Variants in EXT2 observed in about 807,000 individuals in gnomAD.
EXT2 encodes exostosin glycosyltransferase 2, also known as exostosin-2.
In EXT2, 53 loss-of-function variants were observed where a neutral mutation model predicts 81.6. The ratio of observed to expected loss-of-function variants is 0.65; its 90% confidence interval spans 0.52 to 0.82. The LOEUF (loss-of-function observed/expected upper bound fraction) is 0.82, where lower values mean the gene tolerates loss of function less well. Ranked by LOEUF, EXT2 falls within the 40% of genes least tolerant of loss-of-function variation. The pLI is 0.00. For synonymous variants in EXT2, 320 were observed against 340.0 expected, an observed-to-expected ratio of 0.94 and a Z score of 0.65; for missense variants, 774 against 910.2, an observed-to-expected ratio of 0.85 and a Z score of 1.93.
At chr11:44,157,392 G>A (rs1016569274) in intron 7 of EXT2, among the ~76,000 whole-genome samples, 14 of 152,218 alleles carry the variant, frequency 9.2e-5, no homozygotes, top group Non-Finnish European at 1.5e-4. Flanking sequence ...GGGAACCTTA[G>A]GAATCTACTT....
chr11:44,173,420 C>T (rs1176388131), intron 8 of EXT2, among the ~76,000 whole-genome samples: 2 of 151,716 alleles, frequency 1.3e-5, no homozygotes, highest in African/African-American at 2.4e-5. Context: ...AGATCATAGA[C>T]TTATTTTTGT....
intron 7 of EXT2, among the ~76,000 whole-genome samples, chr11:44,140,448 A>G (rs908128096): frequency 2.8e-4 from 43 of 152,188 alleles, no homozygotes; most frequent in African/African-American, 1.0e-3. Context: ...GTTATAGAGA[A>G]GTAGACTAGA....
intron 8 of EXT2, among the ~76,000 whole-genome samples, chr11:44,190,063 C>T (rs937477343): frequency 3.3e-5 from 5 of 152,160 alleles, no homozygotes; most frequent in African/African-American, 7.2e-5. Context: ...CCCTTATGCA[C>T]GTTAGTAATA....
chr11:44,147,540 TG>T (rs931310066), intron 7 of EXT2, among the ~76,000 whole-genome samples: 1 of 151,870 alleles, frequency 6.6e-6, no homozygotes, highest in African/African-American at 2.4e-5. Context: ...GGGCTAGGCC[TG>T]GGCAGGAAGA....
chr11:44,114,026 C>T (rs576833824), intron 3 of EXT2, among the ~76,000 whole-genome samples, 159 bp from the exon 4 acceptor site: 2 of 152,082 alleles, frequency 1.3e-5, no homozygotes, highest in Non-Finnish European at 2.9e-5. Context: ...CTGATGGCCC[C>T]GAGATGCGTG....
intron 7 of EXT2, among the ~76,000 whole-genome samples, chr11:44,150,993 T>C (rs1445751099): frequency 1.3e-5 from 2 of 152,210 alleles, no homozygotes; most frequent in African/African-American, 2.4e-5. Context: ...TGAAAAATTG[T>C]CAGATGAATT....
chr11:44,151,643 A>G (rs1043286604), intron 7 of EXT2, among the ~76,000 whole-genome samples: 4 of 152,048 alleles, frequency 2.6e-5, no homozygotes, highest in Admixed American at 1.3e-4. Context: ...GATTCCTTCT[A>G]TGTTTTGTAT....
At position 44,249,652 on chromosome 11, in the gene EXT2, C is replaced by T. The variant is rs529117536; in HGVS notation, c.*5365C>T. Reference sequence around the variant, plus strand: ...ATTGGCTACTATACCCAAGCATCAACTCAAGGAACATTTGGTTTTCTGGTG... The same window carrying T: ...ATTGGCTACTATACCCAAGCATCAATTCAAGGAACATTTGGTTTTCTGGTG... On this transcript the variant is annotated 3_prime_UTR_variant, in exon 14 of 14. Transcript: ENST00000533608. Among the ~76,000 whole-genome samples, 11 of 152,236 alleles carry T rather than the reference C, an allele frequency of 7.2e-5. No individual in the cohort carries two copies. The highest frequency in any genetic ancestry group is 2.7e-4 in the African/African-American group (11 of 41,458).
intron 7 of EXT2, among the ~76,000 whole-genome samples, chr11:44,142,092 A>G (rs1954653969): frequency 6.6e-6 from 1 of 152,240 alleles, no homozygotes; most frequent in African/African-American, 2.4e-5. Flanking sequence ...TTTAGTATGT[A>G]GATGGCTAAC....
intron 8 of EXT2, among the ~76,000 whole-genome samples, chr11:44,188,702 AATTATTAG>A (rs1363381572): frequency 3.3e-5 from 5 of 152,222 alleles, no homozygotes; most frequent in African/African-American, 1.2e-4. Flanking sequence ...AAGGGCTTGC[AATTATTAG>A]ATTAGATTAT....
chr11:44,243,618 C>CTTTTTTTTTTTTTTT (rs1215047805), intron 13 of EXT2, among the ~76,000 whole-genome samples: 46 of 72,896 alleles, frequency 6.3e-4, no homozygotes, highest in East Asian at 2.1e-3. Flanking sequence ...GCCCTGTCAC[C>CTTTTTTTTTTTTTTT]TTTTTTTTTT....
chr11:44,138,633 G>C (rs1425607271), intron 7 of EXT2, among the ~76,000 whole-genome samples: 1 of 152,024 alleles, frequency 6.6e-6, no homozygotes, highest in Non-Finnish European at 1.5e-5. Context: ...TTTTGTTCCA[G>C]TAGTGAGTTG....
intron 7 of EXT2, among the ~76,000 whole-genome samples, chr11:44,169,696 T>C (rs1275194052): frequency 6.6e-6 from 1 of 152,194 alleles, no homozygotes; most frequent in African/African-American, 2.4e-5. Flanking sequence ...TCCAAAATGC[T>C]TGGGAGCAGA....
chr11:44,245,287 T>C lies in EXT2; in HGVS notation c.*1000T>C, dbSNP rs1327154075. The C allele has an allele frequency of 4.5e-6, 1 of 224,482 alleles. No homozygotes were observed. The highest frequency in any genetic ancestry group is 8.9e-6 in the Non-Finnish European group (1 of 112,414). 13.9% of individuals were successfully genotyped at this position (224,482 alleles called of 1,614,324 possible). A position where few individuals can be genotyped will look rare whatever the true frequency, so the allele number is the denominator to read the frequency against. On this transcript the variant is annotated 3_prime_UTR_variant, in exon 14 of 14. Coordinates refer to ENST00000533608, the MANE Select transcript of EXT2 (RefSeq NM_207122.2). ...AATTGTGACCCCCATCCCAAGGGGATGCCAAAATTTCTCTCATTCTTTTGG... is the reference window on the plus strand; with the variant it reads ...AATTGTGACCCCCATCCCAAGGGGACGCCAAAATTTCTCTCATTCTTTTGG...
intron 8 of EXT2, among the ~76,000 whole-genome samples, chr11:44,191,850 A>C (rs1955395540): frequency 6.6e-6 from 1 of 152,170 alleles, no homozygotes; most frequent in South Asian, 2.1e-4. Flanking sequence ...TCCAAAGGCA[A>C]ATAGGATTAT....
intron 7 of EXT2, among the ~76,000 whole-genome samples, chr11:44,132,776 G>A (rs948295556): frequency 2.6e-5 from 4 of 151,950 alleles, no homozygotes; most frequent in East Asian, 1.9e-4. Context: ...TCCCTTTTCC[G>A]CTTTCTGACG....
chr11:44,200,241 T>C (rs1955506769), intron 9 of EXT2, among the ~76,000 whole-genome samples: 1 of 151,566 alleles, frequency 6.6e-6, no homozygotes, highest in Non-Finnish European at 1.5e-5. Flanking sequence ...AAATAAATAT[T>C]GTGGTTACCA....
Position 44,251,954 on chromosome 11 carries a change from G to A in EXT2, c.*7667G>A, listed in dbSNP as rs187414025. On this transcript the variant is annotated 3_prime_UTR_variant, in exon 14 of 14. Transcript: ENST00000533608. The stretch of plus-strand genomic sequence containing the variant: ...TTCAAATGTCAATAAATGCTGTGAA[G>A]AAAATAAAGCAGAGTATTATATGTG... 4.4e-3 allele frequency among the ~76,000 whole-genome samples: 672 copies of A among 152,272 alleles called. 3 individuals carry two copies. Among genetic ancestry groups the A allele is most frequent in the Middle Eastern group, 0.01 (3 of 294 alleles).
intron 7 of EXT2, among the ~76,000 whole-genome samples, chr11:44,137,163 A>C (rs1194541048): frequency 6.6e-6 from 1 of 152,188 alleles, no homozygotes; most frequent in African/African-American, 2.4e-5. Context: ...CTTTGTTATT[A>C]AGAAGCTTGT....
Sources: gnomAD v4.1 joint callset for allele counts (sites outside exome capture counted in the v4.1 genomes callset) on GRCh38, gnomAD v4.1.1 for gene constraint, MANE v1.5 for transcripts, NCBI Gene and HGNC (gene_info 2026-07-23, HGNC 2026-07-21) for gene names.